FSTL5: variants seen among roughly 807,000 people sequenced by gnomAD.
FSTL5 encodes follistatin-related protein 5.
A neutral mutation model predicts 89.1 loss-of-function variants in FSTL5; 62 were observed. The observed-to-expected ratio is 0.70, with a 90% CI of 0.57 to 0.86. The LOEUF (loss-of-function observed/expected upper bound fraction) is 0.86, where lower values mean the gene tolerates loss of function less well. FSTL5 is among the 40% of genes least tolerant of loss of function. The probability of loss-of-function intolerance (pLI) is 0.00; values close to 1 mark genes in which losing one functional copy is unlikely to be tolerated. For missense variants in FSTL5, 1,057 were observed against 1,001.6 expected (o/e 1.06, Z -0.75); for synonymous variants, 383 against 346.2 (o/e 1.11, Z -1.18).
intron 5 of FSTL5, among the ~76,000 whole-genome samples, chr4:161,763,750 T>G (rs1740886930): frequency 6.6e-6 from 1 of 152,176 alleles, no homozygotes; most frequent in African/African-American, 2.4e-5. Flanking sequence ...CAGTGCCCAG[T>G]GCTCCTCTAA....
chr4:161,979,385 T>C (rs547476650), intron 3 of FSTL5, among the ~76,000 whole-genome samples: 6 of 152,256 alleles, frequency 3.9e-5, no homozygotes, highest in African/African-American at 1.4e-4. Flanking sequence ...TAAGAGTGTA[T>C]AAGACTGGAA....
intron 2 of FSTL5, among the ~76,000 whole-genome samples, chr4:162,064,896 A>T (rs1182275995): frequency 6.6e-6 from 1 of 152,034 alleles, no homozygotes; most frequent in African/African-American, 2.4e-5. Context: ...AAAGGGCATA[A>T]AAAACAGAGC....
At chr4:161,645,075 T>C (rs148656522) in intron 7 of FSTL5, among the ~76,000 whole-genome samples, 1 of 152,190 alleles carries the variant, frequency 6.6e-6, no homozygotes, top group African/African-American at 2.4e-5. Flanking sequence ...AATAAAAAAA[T>C]TTGAGACTCA....
chr4:162,050,031 A>G (rs1738328969), intron 2 of FSTL5, among the ~76,000 whole-genome samples: 2 of 152,106 alleles, frequency 1.3e-5, no homozygotes, highest in Admixed American at 6.5e-5. Flanking sequence ...ATATCAAAAA[A>G]GTTAAGTGAT....
At chr4:161,548,478 TAGAC>T (rs1413603149) in intron 8 of FSTL5, among the ~76,000 whole-genome samples, 1 of 151,884 alleles carries the variant, frequency 6.6e-6, no homozygotes, top group Non-Finnish European at 1.5e-5. Context: ...GGGAGTATGA[TAGAC>T]AGTGTAGTGA....
intron 5 of FSTL5, among the ~76,000 whole-genome samples, chr4:161,767,651 G>A (rs1247824431): frequency 6.6e-6 from 1 of 152,056 alleles, no homozygotes; most frequent in Non-Finnish European, 1.5e-5. Context: ...GAAAAGCTAA[G>A]GTAGAGATTT....
At chr4:162,104,898 G>A (rs111636195) in intron 2 of FSTL5, among the ~76,000 whole-genome samples, 23 of 152,190 alleles carry the variant, frequency 1.5e-4, no homozygotes, top group African/African-American at 5.5e-4. Context: ...AGAGGACAGA[G>A]GACCTCAGGA....
intron 15 of FSTL5, among the ~76,000 whole-genome samples, chr4:161,393,611 G>T (rs2110882955): frequency 6.6e-6 from 1 of 152,200 alleles, no homozygotes; most frequent in Non-Finnish European, 1.5e-5. Flanking sequence ...CAGAAGGAAA[G>T]GGCAAATTCT....
chr4:161,618,720 T>C (rs974907892), intron 7 of FSTL5, among the ~76,000 whole-genome samples: 1 of 152,092 alleles, frequency 6.6e-6, no homozygotes, highest in South Asian at 2.1e-4. Context: ...GCTGGATTCG[T>C]TTTGCCAGTA....
At chr4:162,004,780 C>A (rs1281115007) in intron 3 of FSTL5, among the ~76,000 whole-genome samples, 1 of 151,996 alleles carries the variant, frequency 6.6e-6, no homozygotes. Flanking sequence ...ATAAAATAAC[C>A]TCTATAAAAG....
chr4:161,819,036 A>C (rs189968163), intron 4 of FSTL5, among the ~76,000 whole-genome samples: 3 of 152,240 alleles, frequency 2.0e-5, no homozygotes, highest in Admixed American at 6.5e-5. Context: ...AGCTGAAATA[A>C]ATAAAATGAT....
chr4:161,406,932 T>C (rs751010570), intron 15 of FSTL5, among the ~76,000 whole-genome samples: 5 of 152,218 alleles, frequency 3.3e-5, no homozygotes, highest in Admixed American at 6.5e-5. Context: ...TAACTGCCTA[T>C]TACAGTGTTC....
intron 4 of FSTL5, among the ~76,000 whole-genome samples, chr4:161,797,786 C>A (rs146049975): frequency 9.3e-5 from 14 of 150,544 alleles, no homozygotes; most frequent in African/African-American, 3.0e-4. Flanking sequence ...ATTTTTGAAG[C>A]TTTTCTATTA....
chr4:161,862,080 C>T (rs1381683305), intron 4 of FSTL5, among the ~76,000 whole-genome samples: 6 of 152,004 alleles, frequency 3.9e-5, no homozygotes, highest in South Asian at 2.1e-4. Flanking sequence ...TTTAATAAAC[C>T]GTAGAAAAAC....
intron 4 of FSTL5, among the ~76,000 whole-genome samples, chr4:161,782,399 G>C (rs1298222025): frequency 1.3e-5 from 2 of 152,150 alleles, no homozygotes; most frequent in African/African-American, 2.4e-5. Flanking sequence ...TCCTTGCCAG[G>C]ATTTGGTGTT....
intron 11 of FSTL5, among the ~76,000 whole-genome samples, chr4:161,506,331 C>CG (rs1260736204): frequency 2.0e-5 from 3 of 151,938 alleles, no homozygotes; most frequent in East Asian, 1.9e-4. Flanking sequence ...CTTCGGCCCC[C>CG]CAAATTGCTA....
intron 4 of FSTL5, among the ~76,000 whole-genome samples, chr4:161,804,054 C>T (rs1729882520): frequency 6.6e-6 from 1 of 151,978 alleles, no homozygotes; most frequent in South Asian, 2.1e-4. Flanking sequence ...ACACCCTTAG[C>T]TCCTCTGTGG....
intron 4 of FSTL5, among the ~76,000 whole-genome samples, chr4:161,859,452 T>G (rs776902007): frequency 3.3e-5 from 5 of 152,190 alleles, no homozygotes; most frequent in Admixed American, 6.5e-5. Context: ...TTCATTTGGT[T>G]ACTAAAAGCT....
chr4:161,858,209 G>C lies in FSTL5; in HGVS notation c.409+62195C>G, dbSNP rs773073798. Among the ~76,000 whole-genome samples, 35 of 152,208 alleles carry C rather than the reference G, an allele frequency of 2.3e-4. 1 individual carries two copies. Among genetic ancestry groups the C allele is most frequent in the Non-Finnish European group, 4.4e-4 (30 of 67,988 alleles). On this transcript the variant is annotated intron_variant, in intron 4 of 15. Transcript: ENST00000306100. ...TGGGAAGTTAGCAGTCTGGAACCCA[G>C]AATAGAGCCCTCATCAGAACTGGAC...
Sources: gnomAD v4.1 joint callset for allele counts (sites outside exome capture counted in the v4.1 genomes callset) on GRCh38, gnomAD v4.1.1 for gene constraint, MANE v1.5 for transcripts, NCBI Gene and HGNC (gene_info 2026-07-23, HGNC 2026-07-21) for gene names.